Variants in TTC12 observed in about 807,000 individuals in gnomAD.
TTC12 encodes the protein tetratricopeptide repeat domain 12.
Under a neutral mutation model 90.1 loss-of-function variants are expected in TTC12, and 70 were observed. The observed-to-expected ratio is 0.78, with a 90% CI of 0.64 to 0.95. The LOEUF (loss-of-function observed/expected upper bound fraction) is 0.95, where lower values mean the gene tolerates loss of function less well. TTC12 is among the 40% of genes least tolerant of loss of function. The pLI is 0.00. For missense variants in TTC12, 819 were observed against 846.1 expected, an observed-to-expected ratio of 0.97 and a Z score of 0.40; for synonymous variants, 296 against 311.5, an observed-to-expected ratio of 0.95 and a Z score of 0.53.
At chr11:113,347,065 C>G (rs147870743) in intron 13 of TTC12, among the ~76,000 whole-genome samples, 2 of 152,282 alleles carry the variant, frequency 1.3e-5, no homozygotes, top group East Asian at 3.9e-4. Context: ...GTGAGGGGGC[C>G]TAGCTGCTTA....
At position 113,338,731 on chromosome 11, in the gene TTC12, C is replaced by T. The variant is rs1555144857; in HGVS notation, c.577-43C>T. On this transcript the variant is annotated intron_variant, in intron 8 of 21. Coordinates refer to ENST00000529221, the MANE Select transcript of TTC12 (RefSeq NM_017868.4). Reference sequence around the variant, plus strand: ...CACCCAGTGTCTTTCTCATAATCACCTTTACCCCAACCACTCTTCAAGGTC... The same window carrying T: ...CACCCAGTGTCTTTCTCATAATCACTTTTACCCCAACCACTCTTCAAGGTC... The T allele has an allele frequency of 3.2e-6, 5 of 1,540,422 alleles. No individual in the cohort carries two copies. In the Admixed American group the frequency reaches 5.0e-5, roughly 16 times the overall value.
chr11:113,334,987 G>T lies in TTC12; in HGVS notation c.526G>T (p.Ala176Ser). 1 of 1,613,844 alleles carries T rather than the reference G, an allele frequency of 6.2e-7. No homozygotes were observed. ...ALKCDEKCTKAYFHMGKANLA... is the reference protein window; with the variant it reads ...ALKCDEKCTKSYFHMGKANLA... ...GCAGTGTGATGAAAAATGCACAAAA[G>T]CATATTTTCACATGGGAAAAGCCAA... is the stretch of plus-strand genomic sequence containing the variant. The change falls in exon 8 of 22, where the codon GCA becomes TCA. Residue 176 changes from alanine (A) to serine (S), a missense_variant. Coordinates refer to ENST00000529221, the MANE Select transcript of TTC12 (RefSeq NM_017868.4).
intron 6 of TTC12, among the ~76,000 whole-genome samples, chr11:113,329,183 A>G (rs1947874901): frequency 6.6e-6 from 1 of 152,218 alleles, no homozygotes; most frequent in African/African-American, 2.4e-5. Flanking sequence ...TAACATATTT[A>G]ACCTTCTGAA....
intron 12 of TTC12, among the ~76,000 whole-genome samples, chr11:113,342,360 T>C (rs532861074): frequency 2.6e-5 from 4 of 152,338 alleles, no homozygotes; most frequent in African/African-American, 9.6e-5. Flanking sequence ...TAGAATGCCA[T>C]GGGCATTTTA....
intron 16 of TTC12, among the ~76,000 whole-genome samples, chr11:113,355,861 A>T (rs1684122447): frequency 1.3e-5 from 2 of 152,232 alleles, no homozygotes; most frequent in African/African-American, 4.8e-5. Flanking sequence ...TTTTACTTCC[A>T]AATATGATTG....
At chr11:113,323,542 C>A in intron 3 of TTC12, 91 bp downstream of exon 3, 1 of 800,710 alleles carries the variant, frequency 1.2e-6, no homozygotes, top group Non-Finnish European at 1.8e-6. Context: ...TCCAGCAAGG[C>A]TGAAATGGTC....
chr11:113,335,037 G>A lies in TTC12; in HGVS notation c.576G>A (p.Val192=). ...ACCTGGCCCTGAAGAACTACAGTGT[G>A]GTAAGTTCTTAGAGGAATGTAATTG... ...KANLALKNYS[V]SRECYKKILE... Residue 192 remains valine (V), a splice_region_variant and synonymous_variant, in exon 8 of 22, where the codon GTG becomes GTA. Transcript: ENST00000529221. 6.2e-7 allele frequency: 1 copy of A among 1,609,412 alleles called. No individual in the cohort carries two copies. Among genetic ancestry groups the A allele is most frequent in the Non-Finnish European group, 8.5e-7 (1 of 1,175,750 alleles).
intron 14 of TTC12, among the ~76,000 whole-genome samples, chr11:113,350,622 G>GTTGTT (rs1160541065): frequency 1.3e-5 from 2 of 152,212 alleles, no homozygotes; most frequent in Admixed American, 6.5e-5. Context: ...ATGGCTTTGT[G>GTTGTT]TTGTTTTGTT....
chr11:113,361,491 A>ACCCTGG, intron 18 of TTC12, among the ~76,000 whole-genome samples: 1 of 152,308 alleles, frequency 6.6e-6, no homozygotes, highest in Admixed American at 6.5e-5. Context: ...GCCTTATAAT[A>ACCCTGG]CCCTGGAGAG....
chr11:113,360,695 G>A (rs1555154604), intron 18 of TTC12, among the ~76,000 whole-genome samples: 1 of 152,188 alleles, frequency 6.6e-6, no homozygotes, highest in African/African-American at 2.4e-5. Context: ...CTAATGGCTA[G>A]GGAAGCAATT....
At chr11:113,329,848 T>A in intron 6 of TTC12, 72 bp from the exon 7 acceptor site, 1 of 1,263,278 alleles carries the variant, frequency 7.9e-7, no homozygotes, top group South Asian at 1.2e-5. Context: ...TGTTCGAATG[T>A]TCTTTCTGTG....
Position 113,344,513 on chromosome 11 carries a change from C to T in TTC12, c.1154+73C>T. The T allele has an allele frequency of 3.5e-6, 5 of 1,424,076 alleles. No homozygotes were observed. In the South Asian group the frequency reaches 6.4e-5, roughly 18 times the overall value. 88.2% of individuals were successfully genotyped at this position (1,424,076 alleles called of 1,614,324 possible). A position where few individuals can be genotyped will look rare whatever the true frequency, so the allele number is the denominator to read the frequency against. On this transcript the variant is annotated intron_variant, in intron 13 of 21. Transcript: ENST00000529221. Reference sequence around the variant, plus strand: ...TTGACAAGTTCAGGCATGCCTGTCTCCCCTCCTATCTCTGTTGTGTGACTT... The same window carrying T: ...TTGACAAGTTCAGGCATGCCTGTCTTCCCTCCTATCTCTGTTGTGTGACTT...
Position 113,345,063 on chromosome 11 carries a change from G to A in TTC12, c.1154+623G>A, listed in dbSNP as rs1051014963. 1.3e-4 allele frequency among the ~76,000 whole-genome samples: 19 copies of A among 151,940 alleles called. No homozygotes were observed. The East Asian group carries it at 2.5e-3, about 20-fold the overall frequency. On this transcript the variant is annotated intron_variant, in intron 13 of 21. Transcript: ENST00000529221. ...TTGTTATTTTGCTCACTTGTTTTAC[G>A]TATTTATTTACTTTTATCTTACTAA...
intron 2 of TTC12, among the ~76,000 whole-genome samples, chr11:113,319,080 G>A (rs1425114511): frequency 6.6e-6 from 1 of 152,144 alleles, no homozygotes; most frequent in Non-Finnish European, 1.5e-5. Context: ...GGAAAAGGTT[G>A]GCAAACACAA....
chr11:113,366,499 C>T (rs924354739), downstream of TTC12: 7 of 850,666 alleles, frequency 8.2e-6, no homozygotes, highest in African/African-American at 1.7e-5. Context: ...CTGGCTTACT[C>T]GACTTCCATT....
chr11:113,359,805 A>C (rs1949816154), intron 17 of TTC12, 135 bp from the exon 18 acceptor site: 1 of 672,492 alleles, frequency 1.5e-6, no homozygotes, highest in South Asian at 1.9e-5. Flanking sequence ...AAAAGCAGTA[A>C]AAGATGGTGT....
At chr11:113,370,113 G>T (rs377089655), downstream of TTC12, among the ~76,000 whole-genome samples, 153 of 152,338 alleles carry the variant, frequency 1.0e-3, 1 homozygote, top group African/African-American at 3.5e-3. Flanking sequence ...TCAGGGATAG[G>T]GTAGCAGCGC....
At chr11:113,324,741 G>A (rs887179605) in intron 5 of TTC12, 59 bp downstream of exon 5, 67 of 1,454,894 alleles carry the variant, frequency 4.6e-5, no homozygotes, top group Non-Finnish European at 5.4e-5. Context: ...AAGAGCACAC[G>A]AAGGCCTGTA....
At chr11:113,336,782 G>C (rs1397963520) in intron 8 of TTC12, among the ~76,000 whole-genome samples, 1 of 152,176 alleles carries the variant, frequency 6.6e-6, no homozygotes, top group Non-Finnish European at 1.5e-5. Context: ...AGAAGTGAGA[G>C]CCTTCAACTT....
Sources: allele counts gnomAD v4.1 joint callset (sites outside exome capture counted in the v4.1 genomes callset), GRCh38; gene constraint gnomAD v4.1.1; transcripts MANE v1.5; gene names NCBI Gene and HGNC (gene_info 2026-07-23, HGNC 2026-07-21).